The following SAXO1 variants were observed in gnomAD, a reference collection of about 807,000 sequenced individuals.
The protein encoded by SAXO1 is stabilizer of axonemal microtubules 1.
In SAXO1, 21 loss-of-function variants were observed where a neutral mutation model predicts 17.5. That is an observed-to-expected ratio of 1.20 (90% CI 0.85 to 1.72). The LOEUF (loss-of-function observed/expected upper bound fraction) is 1.72, where lower values mean the gene tolerates loss of function less well. Ranked by LOEUF, SAXO1 falls within the 40% of genes most tolerant of loss-of-function variation. The pLI, the probability that SAXO1 is intolerant of heterozygous loss-of-function variation, is 0.00. For missense variants in SAXO1, 843 were observed against 596.0 expected (o/e 1.41, Z -4.32); for synonymous variants, 274 against 216.5 (o/e 1.27, Z -2.33).
At chr9:18,971,406 G>A (rs551635952) in intron 1 of SAXO1, among the ~76,000 whole-genome samples, 10 of 151,694 alleles carry the variant, frequency 6.6e-5, no homozygotes, top group African/African-American at 1.9e-4. Flanking sequence ...CTGTCTCTAC[G>A]GAGCTTTTCA....
intron 3 of SAXO1, among the ~76,000 whole-genome samples, chr9:18,930,808 C>T (rs1380119749): frequency 6.6e-6 from 1 of 152,176 alleles, no homozygotes; most frequent in Admixed American, 6.5e-5. Flanking sequence ...CTACTGCTGG[C>T]ATTCTTTCAA....
rs1832372617 is a variant in SAXO1, at chr9:18,959,040, T to C, written c.39-8103A>G. On this transcript the variant is annotated intron_variant, in intron 1 of 3. Coordinates refer to ENST00000380534, the MANE Select transcript of SAXO1 (RefSeq NM_153707.4). ...GATGCCACAGAAAAATCAAAAGTCA[T>C]GAGGGCTGGGAAAAAGACATCTTAT... Among the ~76,000 whole-genome samples, 3 of 152,194 alleles carry C rather than the reference T, an allele frequency of 2.0e-5. No homozygotes were observed. In the South Asian group the frequency reaches 6.2e-4, roughly 32 times the overall value.
At chr9:19,026,027 A>G (rs1316520792) in intron 1 of SAXO1, among the ~76,000 whole-genome samples, 1 of 152,192 alleles carries the variant, frequency 6.6e-6, no homozygotes, top group African/African-American at 2.4e-5. Context: ...AGAAGAAATA[A>G]ATTACAGTGT....
At chr9:19,015,191 T>A (rs1453740149) in intron 1 of SAXO1, among the ~76,000 whole-genome samples, 1 of 152,072 alleles carries the variant, frequency 6.6e-6, no homozygotes, top group African/African-American at 2.4e-5. Flanking sequence ...TAAAATTGTA[T>A]CCCTTCCTAT....
In SAXO1 at chr9:18,927,717, T is replaced by C. The variant is rs561652658; in HGVS notation, c.*335A>G. On this transcript the variant is annotated 3_prime_UTR_variant, in exon 4 of 4. Coordinates refer to ENST00000380534, the MANE Select transcript of SAXO1 (RefSeq NM_153707.4). ...TTCATACTTGGCAAGGGTTAATCATTATGTCAGTTCATACAATGATTAAAT... is the reference window on the plus strand; with the variant it reads ...TTCATACTTGGCAAGGGTTAATCATCATGTCAGTTCATACAATGATTAAAT... 4.6e-6 allele frequency: 1 copy of C among 218,230 alleles called. No homozygotes were observed. The highest frequency in any genetic ancestry group is 2.3e-5 in the African/African-American group (1 of 43,998). 13.5% of individuals were successfully genotyped at this position (218,230 alleles called of 1,614,324 possible).
chr9:18,953,536 T>C (rs1006671011), intron 1 of SAXO1, among the ~76,000 whole-genome samples: 1 of 152,226 alleles, frequency 6.6e-6, no homozygotes, highest in Non-Finnish European at 1.5e-5. Context: ...AAACCTTGTC[T>C]CACTTTGAAA....
At chr9:18,975,774 G>A (rs954698970) in intron 1 of SAXO1, among the ~76,000 whole-genome samples, 1 of 152,188 alleles carries the variant, frequency 6.6e-6, no homozygotes, top group Non-Finnish European at 1.5e-5. Context: ...ATGGTGGAGT[G>A]AGCACGTAAA....
chr9:18,995,024 G>C (rs1833948667), intron 1 of SAXO1, among the ~76,000 whole-genome samples: 2 of 152,154 alleles, frequency 1.3e-5, no homozygotes, highest in African/African-American at 4.8e-5. Context: ...AAGAGACTGA[G>C]TTTTTCTTTT....
At chr9:18,989,359 C>T (rs189314099) in intron 1 of SAXO1, among the ~76,000 whole-genome samples, 2 of 152,242 alleles carry the variant, frequency 1.3e-5, no homozygotes, top group East Asian at 3.9e-4. Flanking sequence ...GATATTAATA[C>T]TGTCTGCATT....
chr9:18,941,622 T>C lies in SAXO1; in HGVS notation c.421+15A>G, dbSNP rs1831563258. On this transcript the variant is annotated intron_variant, in intron 3 of 3. Transcript: ENST00000380534. Reference sequence around the variant, plus strand: ...GCCTGTCTTTCCCCCAATCTGCCCCTCTGTGCTCTCCCACCTTTATAAGTA... The same window carrying C: ...GCCTGTCTTTCCCCCAATCTGCCCCCCTGTGCTCTCCCACCTTTATAAGTA... 6.2e-7 allele frequency: 1 copy of C among 1,613,826 alleles called. No homozygotes were observed. Among genetic ancestry groups the C allele is most frequent in the Admixed American group, 1.7e-5 (1 of 60,006 alleles).
chr9:19,027,298 G>A (rs1341345823), intron 1 of SAXO1: 5 of 860,710 alleles, frequency 5.8e-6, no homozygotes, highest in Middle Eastern at 2.2e-4. Flanking sequence ...GACCTGGTGG[G>A]TGTGAACAAA....
chr9:18,959,952 G>T (rs1464706472), intron 1 of SAXO1, among the ~76,000 whole-genome samples: 2 of 152,132 alleles, frequency 1.3e-5, no homozygotes, highest in Admixed American at 6.5e-5. Context: ...AAGGACAGGT[G>T]ATAGCAGATG....
chr9:19,041,602 A>C (rs1448523709), intron 1 of SAXO1, among the ~76,000 whole-genome samples: 1 of 152,210 alleles, frequency 6.6e-6, no homozygotes, highest in Non-Finnish European at 1.5e-5. Flanking sequence ...ACAGACACAT[A>C]GACCAATAGA....
intron 1 of SAXO1, among the ~76,000 whole-genome samples, chr9:18,984,935 AT>A (rs933733722): frequency 6.6e-6 from 1 of 152,154 alleles, no homozygotes; most frequent in African/African-American, 2.4e-5. Context: ...ATTTAAAGTG[AT>A]AGAGGTGCGA....
At chr9:19,014,834 T>C (rs1834903092) in intron 1 of SAXO1, among the ~76,000 whole-genome samples, 1 of 152,212 alleles carries the variant, frequency 6.6e-6, no homozygotes, top group African/African-American at 2.4e-5. Flanking sequence ...AAGCCAGTGC[T>C]GCTGAGGGTC....
At chr9:18,970,046 G>A (rs1832888765) in intron 1 of SAXO1, among the ~76,000 whole-genome samples, 1 of 152,196 alleles carries the variant, frequency 6.6e-6, no homozygotes, top group Non-Finnish European at 1.5e-5. Context: ...AGAGCTTGGA[G>A]ATGGGGGTTG....
chr9:19,039,061 T>A (rs754395766), intron 1 of SAXO1, among the ~76,000 whole-genome samples: 1 of 151,720 alleles, frequency 6.6e-6, no homozygotes, highest in South Asian at 2.1e-4. Context: ...AGCAACTCTT[T>A]ACAGAACATT....
rs61569381 is a variant in SAXO1 at position 18,996,079 on chromosome 9, C to CAAA, written c.38+36789_38+36791dup. 9.8e-4 allele frequency among the ~76,000 whole-genome samples: 138 copies of CAAA among 140,102 alleles called. 1 individual carries two copies. The highest frequency in any genetic ancestry group is 3.5e-3 in the African/African-American group (132 of 37,900). 91.9% of individuals were successfully genotyped at this position (140,102 alleles called of 152,430 possible). On this transcript the variant is annotated intron_variant, in intron 1 of 3. Coordinates refer to ENST00000380534, the MANE Select transcript of SAXO1 (RefSeq NM_153707.4). ...CAGCAACAAGAGTGAAACTACATCT[C>CAAA]AAAAAAAAAAAAAGAAAAGAAAGTT...
intron 1 of SAXO1, among the ~76,000 whole-genome samples, chr9:19,011,432 G>A (rs570774564): frequency 1.3e-5 from 2 of 152,248 alleles, no homozygotes; most frequent in South Asian, 2.1e-4. Flanking sequence ...AAAGAGACAC[G>A]CCCGATGCAC....
Sources: gnomAD v4.1 joint callset for allele counts (sites outside exome capture counted in the v4.1 genomes callset) on GRCh38, gnomAD v4.1.1 for gene constraint, MANE v1.5 for transcripts, NCBI Gene and HGNC (gene_info 2026-07-23, HGNC 2026-07-21) for gene names.